The following BCLAF3 variants were observed in gnomAD, a reference collection of about 807,000 sequenced individuals.
The protein encoded by BCLAF3 is transient octamer binding factor 1.
BCLAF3 carries 24 observed loss-of-function variants against 51.2 expected under a neutral mutation model. The observed-to-expected ratio is 0.47, with a 90% CI of 0.34 to 0.66. BCLAF3 has a LOEUF of 0.66. Ranked by LOEUF, BCLAF3 falls within the 30% of genes least tolerant of loss-of-function variation. The pLI is 0.01. For synonymous variants in BCLAF3, 152 were observed against 176.6 expected (o/e 0.86, Z 1.10); for missense variants, 465 against 525.1 (o/e 0.89, Z 1.12).
intron 1 of BCLAF3, among the ~76,000 whole-genome samples, chrX:19,982,391 G>A (rs1275492101): frequency 2.7e-5 from 3 of 111,578 alleles, no homozygotes; most frequent in African/African-American, 9.8e-5. Flanking sequence ...GTGAGAAGGG[G>A]AAGGTAGACC....
At chrX:19,982,921 A>C (rs2072663021) in intron 1 of BCLAF3, among the ~76,000 whole-genome samples, 1 of 108,860 alleles carries the variant, frequency 9.2e-6, no homozygotes, top group Non-Finnish European at 1.9e-5. Flanking sequence ...TACAATACAA[A>C]AGACATATCT....
At chrX:19,945,215 T>C (rs1411699897) in intron 8 of BCLAF3, among the ~76,000 whole-genome samples, 2 of 109,739 alleles carry the variant, frequency 1.8e-5, no homozygotes, top group Non-Finnish European at 3.8e-5. Flanking sequence ...TGCCTTTGGT[T>C]TGAATGTCCT....
At chrX:19,967,920 A>G (rs1369925176) in intron 2 of BCLAF3, among the ~76,000 whole-genome samples, 1 of 111,993 alleles carries the variant, frequency 8.9e-6, no homozygotes, top group Non-Finnish European at 1.9e-5. Flanking sequence ...GGCAAGTGTT[A>G]TTTAGCTAAA....
At chrX:19,934,474 G>A (rs762228501) in intron 10 of BCLAF3, among the ~76,000 whole-genome samples, 8 of 112,037 alleles carry the variant, frequency 7.1e-5, no homozygotes, top group Middle Eastern at 4.6e-3. Flanking sequence ...TTCTACGGCC[G>A]TAATTATTTT....
intron 11 of BCLAF3, among the ~76,000 whole-genome samples, chrX:19,921,036 G>A (rs754542833): frequency 8.3e-4 from 93 of 111,414 alleles, no homozygotes; most frequent in African/African-American, 2.9e-3. Context: ...AGAACAGTAG[G>A]AACAAAGGTA....
rs140607119 is a variant in BCLAF3 at position 19,979,356 on chromosome X, T to C, written c.-34-9058A>G. The stretch of plus-strand genomic sequence containing the variant: ...AAACTAAGGCAAGACCCTTCATCAG[T>C]AGAAAGATGATGCGTCACTGAAGGC... On this transcript the variant is annotated intron_variant, in intron 1 of 11. Transcript: ENST00000379682. 7.6e-3 allele frequency among the ~76,000 whole-genome samples: 846 copies of C among 111,313 alleles called. 4 individuals carry two copies. Among genetic ancestry groups the C allele is most frequent in the Non-Finnish European group, 0.011 (568 of 53,053 alleles).
At chrX:19,956,473 G>A (rs761232563) in intron 4 of BCLAF3, among the ~76,000 whole-genome samples, 25 of 111,692 alleles carry the variant, frequency 2.2e-4, no homozygotes, top group Non-Finnish European at 3.8e-4. Flanking sequence ...CCCAGAGATT[G>A]AGCATTCAAA....
At chrX:19,951,155 C>A (rs2071460026) in intron 7 of BCLAF3, among the ~76,000 whole-genome samples, 1 of 106,935 alleles carries the variant, frequency 9.4e-6, no homozygotes. Context: ...AAAATAGAAG[C>A]AACTTAAATG....
At chrX:19,982,451 T>C (rs1603340117) in intron 1 of BCLAF3, among the ~76,000 whole-genome samples, 1 of 110,615 alleles carries the variant, frequency 9.0e-6, no homozygotes, top group Non-Finnish European at 1.9e-5. Context: ...GTAGCTGTTA[T>C]CTGTTATTGC....
At position 19,950,881 on chromosome X, in the gene BCLAF3, G is replaced by C. The variant is rs1160642212; in HGVS notation, c.1630-13C>G. 2.7e-6 allele frequency: 3 copies of C among 1,103,458 alleles called. No individual in the cohort carries two copies. The highest frequency in any genetic ancestry group is 4.4e-5 in the Admixed American group (2 of 45,378). The allele number at this position is 1,103,458 out of a possible 1,213,427, so 90.9% of individuals were successfully genotyped here. A position where few individuals can be genotyped will look rare whatever the true frequency, so the allele number is the denominator to read the frequency against. ...TTTTGATCAGAGTCTGAGGAATTTT[G>C]ACAGAAGACAAACCATTCACATTAC... On this transcript the variant is annotated splice_polypyrimidine_tract_variant and intron_variant, in intron 7 of 11. Coordinates refer to ENST00000379682, the MANE Select transcript of BCLAF3 (RefSeq NM_001367774.2).
At chrX:19,969,525 C>T (rs1304476513) in intron 2 of BCLAF3, among the ~76,000 whole-genome samples, 3 of 112,198 alleles carry the variant, frequency 2.7e-5, no homozygotes, top group Non-Finnish European at 3.8e-5. Flanking sequence ...TCTTTGAAGA[C>T]TTTCTTAGTA....
chrX:19,922,969 TCTCA>T (rs1290702703), intron 11 of BCLAF3, among the ~76,000 whole-genome samples: 1 of 111,188 alleles, frequency 9.0e-6, no homozygotes, highest in Non-Finnish European at 1.9e-5. Context: ...ATGCAAAATT[TCTCA>T]CTGTTAAAAG....
chrX:19,977,035 C>A (rs890809995), intron 1 of BCLAF3, among the ~76,000 whole-genome samples: 26 of 111,459 alleles, frequency 2.3e-4, no homozygotes, highest in South Asian at 3.7e-4. Flanking sequence ...TAATTGGGGG[C>A]ACCATGAACC....
rs763269735 is a variant in BCLAF3 at position 19,953,183 on chromosome X, T to C, written c.1566-132A>G. Reference sequence around the variant, plus strand: ...CTAGCAAAAGAAACTTGCTACCAGATAGTTTTTCACCTATATGGCAGTCTC... The same window carrying C: ...CTAGCAAAAGAAACTTGCTACCAGACAGTTTTTCACCTATATGGCAGTCTC... On this transcript the variant is annotated intron_variant, in intron 6 of 11. Coordinates refer to ENST00000379682, the MANE Select transcript of BCLAF3 (RefSeq NM_001367774.2). 14 of 486,054 alleles carry C rather than the reference T, an allele frequency of 2.9e-5. No homozygotes were observed. In the Admixed American group the frequency reaches 3.4e-4, roughly 12 times the overall value. The allele number at this position is 486,054 out of a possible 1,213,427, so 40.1% of individuals were successfully genotyped here. A position where few individuals can be genotyped will look rare whatever the true frequency, so the allele number is the denominator to read the frequency against.
chrX:19,972,587 A>G (rs936097412), intron 1 of BCLAF3, among the ~76,000 whole-genome samples: 2 of 112,050 alleles, frequency 1.8e-5, no homozygotes, highest in African/African-American at 6.5e-5. Context: ...TACAACCATT[A>G]TCACTGTCTA....
chrX:19,953,813 A>G lies in BCLAF3; in HGVS notation c.1530T>C (p.Asn510=), dbSNP rs1267478003. 1.5e-5 allele frequency: 18 copies of G among 1,204,558 alleles called. 1 individual carries two copies. The South Asian group carries it at 3.0e-4, about 20-fold the overall frequency. ...TMQDIHKADV[N]EIPLNSDPEI... is the part of the protein sequence containing the mutation. ...CTGGATCTGAATTCAATGGAATTTC[A>G]TTTACATCTGCCTTGTGTATATCTT... The change falls in exon 6 of 12, where the codon AAT becomes AAC. Residue 510 remains asparagine (N), a synonymous_variant. Coordinates refer to ENST00000379682, the MANE Select transcript of BCLAF3 (RefSeq NM_001367774.2).
At chrX:19,969,671 C>G (rs1182908318) in intron 2 of BCLAF3, among the ~76,000 whole-genome samples, 1 of 111,817 alleles carries the variant, frequency 8.9e-6, no homozygotes, top group East Asian at 2.8e-4. Flanking sequence ...CAACCACGTG[C>G]TTGCTGAGGC....
At chrX:19,954,952 T>C (rs1382347388) in intron 5 of BCLAF3, among the ~76,000 whole-genome samples, 2 of 112,256 alleles carry the variant, frequency 1.8e-5, no homozygotes, top group Admixed American at 1.9e-4. Flanking sequence ...CTTTCACTGA[T>C]CACTCAGCAT....
chrX:19,947,474 T>A (rs2071350005), intron 8 of BCLAF3, among the ~76,000 whole-genome samples: 1 of 111,061 alleles, frequency 9.0e-6, no homozygotes, highest in Admixed American at 9.6e-5. Flanking sequence ...GAAGTGGAAG[T>A]AAATCCAGAC....
Sources: allele counts gnomAD v4.1 joint callset (sites outside exome capture counted in the v4.1 genomes callset), GRCh38; gene constraint gnomAD v4.1.1; transcripts MANE v1.5; gene names NCBI Gene and HGNC (gene_info 2026-07-23, HGNC 2026-07-21).